MAP7: variants seen among roughly 807,000 people sequenced by gnomAD.
MAP7 encodes the protein ensconsin.
In MAP7, 52 loss-of-function variants were observed where a neutral mutation model predicts 94.8. The ratio of observed to expected loss-of-function variants is 0.55; its 90% CI spans 0.44 to 0.69. The LOEUF (loss-of-function observed/expected upper bound fraction) is 0.69, where lower values mean the gene tolerates loss of function less well. Among genes scored for constraint, MAP7 ranks in the 30% least tolerant of loss-of-function variants. The pLI, the probability that MAP7 is intolerant of heterozygous loss-of-function variation, is 0.00. For synonymous variants in MAP7, 350 were observed against 357.0 expected, an observed-to-expected ratio of 0.98 and a Z score of 0.22; for missense variants, 940 against 964.6, an observed-to-expected ratio of 0.97 and a Z score of 0.34.
chr6:136,499,663 T>A (rs904769232), intron 1 of MAP7, among the ~76,000 whole-genome samples: 25 of 152,234 alleles, frequency 1.6e-4, no homozygotes, highest in African/African-American at 6.0e-4. Context: ...TGTTGTACAT[T>A]CTTCTCTGTG....
chr6:136,497,501 AC>A (rs1381321729), intron 1 of MAP7, among the ~76,000 whole-genome samples: 5 of 147,182 alleles, frequency 3.4e-5, no homozygotes, highest in Non-Finnish European at 7.4e-5. Context: ...TTTTTCCTCT[AC>A]CCCATGTCTA....
intron 3 of MAP7, among the ~76,000 whole-genome samples, chr6:136,402,749 A>G (rs1784456104): frequency 1.3e-5 from 2 of 151,948 alleles, no homozygotes; most frequent in Admixed American, 6.5e-5. Context: ...TACTAAAAAT[A>G]CAAAAAATTA....
Position 136,361,040 on chromosome 6 carries a change from G to A in MAP7, c.1666C>T (p.Arg556Cys). 1 of 1,583,212 alleles carries A rather than the reference G, an allele frequency of 6.3e-7. No homozygotes were observed. ...GCGCGCTCTGCCTCCTCCCGCTCGC[G>A]CAGCGCCCGCTCCTCCGCCTGCCGC... Reference protein sequence around the residue: ...LQRQAEERALREREEAERAQR... With the variant: ...LQRQAEERALCEREEAERAQR... The change falls in exon 12 of 18, where the codon CGC (arginine) becomes TGC (cysteine). Residue 556 changes from arginine to cysteine, a missense_variant. Arg to Cys is a radical substitution (Grantham distance 180). Coordinates refer to ENST00000354570, the MANE Select transcript of MAP7 (RefSeq NM_003980.6).
intron 3 of MAP7, among the ~76,000 whole-genome samples, chr6:136,408,400 CACAG>C (rs1786288837): frequency 6.6e-6 from 1 of 152,102 alleles, no homozygotes; most frequent in Non-Finnish European, 1.5e-5. Context: ...AGATTTAACC[CACAG>C]AAAGTTATTA....
At chr6:136,403,701 T>C (rs1178615693) in intron 3 of MAP7, among the ~76,000 whole-genome samples, 1 of 152,150 alleles carries the variant, frequency 6.6e-6, no homozygotes, top group East Asian at 1.9e-4. Context: ...GGCAAAGTAA[T>C]TTGGGGAGAA....
intron 1 of MAP7, among the ~76,000 whole-genome samples, chr6:136,450,826 G>A (rs1174090451): frequency 6.6e-6 from 1 of 152,052 alleles, no homozygotes; most frequent in Non-Finnish European, 1.5e-5. Context: ...CTGTGAAGAG[G>A]AGGCATTAAA....
intron 1 of MAP7, among the ~76,000 whole-genome samples, chr6:136,501,548 G>A (rs1211336325): frequency 6.6e-6 from 1 of 151,976 alleles, no homozygotes; most frequent in East Asian, 1.9e-4. Flanking sequence ...TTATAATGCT[G>A]GAAATGGAAA....
rs3799423 is a variant in MAP7, at chr6:136,437,736, C to G, written c.68-15937G>C. ...ATCGTAAACCAGCTTTAAAAGTTTG[C>G]CAATTCTTATTTCACTAGGAAAAAA... is the stretch of plus-strand genomic sequence containing the variant. On this transcript the variant is annotated intron_variant, in intron 1 of 17. Transcript: ENST00000354570. 9.0e-3 allele frequency among the ~76,000 whole-genome samples: 1,371 copies of G among 152,098 alleles called. 59 individuals carry two copies. The East Asian group carries it at 0.14, about 15-fold the overall frequency.
At chr6:136,466,090 T>A (rs1022540101) in intron 1 of MAP7, among the ~76,000 whole-genome samples, 1 of 152,172 alleles carries the variant, frequency 6.6e-6, no homozygotes, top group African/African-American at 2.4e-5. Flanking sequence ...GTAAAGCCCA[T>A]GTGTGACTCA....
intron 1 of MAP7, chr6:136,526,148 T>C: frequency 7.6e-7 from 1 of 1,316,976 alleles, no homozygotes; most frequent in Non-Finnish European, 9.7e-7. Flanking sequence ...ACTTGGCAAC[T>C]GAGGCCCTGC....
At position 136,361,007 on chromosome 6, in the gene MAP7, G is replaced by A; in HGVS notation, c.1699C>T (p.Gln567Ter). The change falls in exon 12 of 18, where the codon CAG (glutamine) becomes TAG (stop). Residue 567 changes from glutamine (Q) to a stop codon, truncating the protein, a stop_gained and splice_region_variant. Transcript: ENST00000354570. LOFTEE classifies it high-confidence loss of function. ...EREEAERAQR[Q>*]KEEEARVREE... Reference sequence around the variant, plus strand: ...GCCAGGGTGGGGTGCGGCCGCACCTGCCTCTGGGCGCGCTCTGCCTCCTCC... The same window carrying A: ...GCCAGGGTGGGGTGCGGCCGCACCTACCTCTGGGCGCGCTCTGCCTCCTCC... The A allele has an allele frequency of 1.3e-6, 2 of 1,567,384 alleles. No homozygotes were observed. The highest frequency in any genetic ancestry group is 1.7e-6 in the Non-Finnish European group (2 of 1,163,376).
intron 6 of MAP7, among the ~76,000 whole-genome samples, chr6:136,381,823 C>T (rs1322694007): frequency 1.3e-5 from 2 of 149,358 alleles, no homozygotes; most frequent in Non-Finnish European, 3.0e-5. Context: ...ATTGAACTTC[C>T]CTTAACGCTG....
chr6:136,406,840 A>AAAC (rs909411033), intron 3 of MAP7, among the ~76,000 whole-genome samples: 1 of 152,118 alleles, frequency 6.6e-6, no homozygotes, highest in Non-Finnish European at 1.5e-5. Context: ...AAAACAAACA[A>AAAC]AACAACAACA....
At chr6:136,514,111 T>C (rs986666992) in intron 1 of MAP7, among the ~76,000 whole-genome samples, 9 of 152,178 alleles carry the variant, frequency 5.9e-5, no homozygotes, top group Non-Finnish European at 1.3e-4. Flanking sequence ...TCTGCAATGG[T>C]GAATCCTTTC....
At chr6:136,356,640 G>C in intron 16 of MAP7, 52 bp downstream of exon 16, 1 of 1,386,052 alleles carries the variant, frequency 7.2e-7, no homozygotes, top group Non-Finnish European at 1.0e-6. Flanking sequence ...TGGTGGAGCT[G>C]GTGGGTAAAA....
At position 136,506,489 on chromosome 6, in the gene MAP7, G is replaced by T. The variant is rs1821553727; in HGVS notation, c.67+43853C>A. ...TTTAGATAATTCAGGATATTTTAAG[G>T]TTTATAAGCTTTGGGAAATTTCTGG... On this transcript the variant is annotated intron_variant, in intron 1 of 17. Transcript: ENST00000354570. Among the ~76,000 whole-genome samples the T allele has an allele frequency of 1.3e-5, 2 of 152,074 alleles. 1 individual carries two copies. Among genetic ancestry groups the T allele is most frequent in the African/African-American group, 4.8e-5 (2 of 41,340 alleles).
chr6:136,366,739 T>C (rs1794429902), intron 8 of MAP7, among the ~76,000 whole-genome samples: 1 of 152,210 alleles, frequency 6.6e-6, no homozygotes, highest in African/African-American at 2.4e-5. Context: ...CTAAAATTAA[T>C]TACCTGAAGC....
At chr6:136,356,870 G>T in intron 15 of MAP7, 76 bp from the exon 16 acceptor site, 1 of 1,178,978 alleles carries the variant, frequency 8.5e-7, no homozygotes, top group Non-Finnish European at 1.3e-6. Context: ...GAGCCAGAAT[G>T]CCTTGATTTA....
At chr6:136,463,056 TA>T (rs576970120) in intron 1 of MAP7, among the ~76,000 whole-genome samples, 252 of 152,220 alleles carry the variant, frequency 1.7e-3, no homozygotes, top group African/African-American at 5.8e-3. Context: ...AAGTAAAAGT[TA>T]TTGAAAATCA....
Sources: gnomAD v4.1 joint callset for allele counts (sites outside exome capture counted in the v4.1 genomes callset) on GRCh38, gnomAD v4.1.1 for gene constraint, MANE v1.5 for transcripts, NCBI Gene and HGNC (gene_info 2026-07-23, HGNC 2026-07-21) for gene names.